The following SH3D19 variants were observed in gnomAD, a reference collection of about 807,000 sequenced individuals.
SH3D19 encodes SH3 domain-containing protein 19.
Under a neutral mutation model 112.1 loss-of-function variants are expected in SH3D19, and 58 were observed. The ratio of observed to expected loss-of-function variants is 0.52; its 90% CI spans 0.42 to 0.64. The LOEUF (loss-of-function observed/expected upper bound fraction) is 0.64. Among genes scored for constraint, SH3D19 ranks in the 30% least tolerant of loss-of-function variants. The pLI is 0.00. For synonymous variants in SH3D19, 391 were observed against 448.5 expected (o/e 0.87, Z 1.62); for missense variants, 1,090 against 1,263.4 (o/e 0.86, Z 2.08).
intron 2 of SH3D19, among the ~76,000 whole-genome samples, chr4:151,201,280 T>G (rs76896942): frequency 6.6e-4 from 100 of 152,302 alleles, no homozygotes; most frequent in African/African-American, 2.4e-3. Flanking sequence ...AATCCTGATG[T>G]GAATAACAAA....
intron 1 of SH3D19, among the ~76,000 whole-genome samples, chr4:151,232,708 A>ACCACTCTTAATATCTTTAATG (rs1245763714): frequency 2.6e-5 from 4 of 152,022 alleles, no homozygotes; most frequent in African/African-American, 7.3e-5. Context: ...TTCTGTGACT[A>ACCACTCTTAATATCTTTAATG]CCACTCTTAA....
intron 3 of SH3D19, among the ~76,000 whole-genome samples, chr4:151,181,092 A>C (rs1289212870): frequency 6.6e-6 from 1 of 152,114 alleles, no homozygotes; most frequent in Non-Finnish European, 1.5e-5. Flanking sequence ...TTTTCATGGA[A>C]CATATTCTAA....
intron 2 of SH3D19, among the ~76,000 whole-genome samples, chr4:151,216,180 T>A (rs1767069601): frequency 6.6e-6 from 1 of 152,214 alleles, no homozygotes; most frequent in Non-Finnish European, 1.5e-5. Flanking sequence ...GCAGTTTACT[T>A]TTAATGAGAC....
intron 14 of SH3D19, among the ~76,000 whole-genome samples, chr4:151,136,292 C>T (rs1244970940): frequency 2.6e-5 from 4 of 151,938 alleles, no homozygotes; most frequent in South Asian, 2.1e-4. Flanking sequence ...GGACTACACA[C>T]GCGTAACACC....
At chr4:151,252,576 A>G (rs975855594) in intron 1 of SH3D19, among the ~76,000 whole-genome samples, 4 of 152,158 alleles carry the variant, frequency 2.6e-5, no homozygotes, top group African/African-American at 9.7e-5. Flanking sequence ...TACTCACTCC[A>G]TAGGGGACCT....
intron 1 of SH3D19, chr4:151,282,542 T>C (rs1774353104): frequency 3.4e-6 from 3 of 885,196 alleles, no homozygotes; most frequent in African/African-American, 1.7e-5. Flanking sequence ...AATGATATTA[T>C]CTATAAGTTT....
chr4:151,167,828 A>T (rs1670704699), intron 7 of SH3D19, among the ~76,000 whole-genome samples: 1 of 151,980 alleles, frequency 6.6e-6, no homozygotes, highest in African/African-American at 2.4e-5. Flanking sequence ...GGAAGTAAGG[A>T]GCGCCTCTGC....
At position 151,175,458 on chromosome 4, in the gene SH3D19, T is replaced by A; in HGVS notation, c.746A>T (p.Gln249Leu). ...TCCTACGGCTGCTGGGCTGATTTTC[T>A]GTTGACTTTGCTCTTTAATGTGAGA... is the stretch of plus-strand genomic sequence containing the variant. ...RDSHIKEQSQ[Q>L]KISPAAVGEE... Residue 249 changes from glutamine to leucine, a missense_variant, in exon 7 of 20, where the codon CAG becomes CTG. Physicochemically the swap from Gln to Leu is moderately radical, Grantham distance 113. Transcript: ENST00000604030. The A allele has an allele frequency of 6.6e-7, 1 of 1,507,946 alleles. No individual in the cohort carries two copies. The highest frequency in any genetic ancestry group is 1.4e-5 in the South Asian group (1 of 72,476). The allele number at this position is 1,507,946 out of a possible 1,614,324, so 93.4% of individuals were successfully genotyped here. A position where few individuals can be genotyped will look rare whatever the true frequency, so the allele number is the denominator to read the frequency against.
Position 151,121,232 on chromosome 4 carries a change from A to G in SH3D19, c.*859T>C, listed in dbSNP as rs552163403. 5 of 152,776 alleles carry G rather than the reference A, an allele frequency of 3.3e-5. No homozygotes were observed. In the South Asian group the frequency reaches 8.3e-4, roughly 25 times the overall value. 9.5% of individuals were successfully genotyped at this position (152,776 alleles called of 1,614,324 possible). A position where few individuals can be genotyped will look rare whatever the true frequency, so the allele number is the denominator to read the frequency against. On this transcript the variant is annotated 3_prime_UTR_variant, in exon 20 of 20. Coordinates refer to ENST00000604030, the MANE Select transcript of SH3D19 (RefSeq NM_001378122.1). ...TACTATAACAAGACACAGTTTTTAT[A>G]TATTACTGGAATAATGCAAAGAAAA...
At chr4:151,125,857 A>G (rs1396197725) in intron 19 of SH3D19, among the ~76,000 whole-genome samples, 1 of 151,654 alleles carries the variant, frequency 6.6e-6, no homozygotes, top group Non-Finnish European at 1.5e-5. Flanking sequence ...AAAAAAAAAA[A>G]AAAAAAAAAG....
intron 2 of SH3D19, among the ~76,000 whole-genome samples, chr4:151,196,622 A>G (rs962399795): frequency 6.6e-6 from 1 of 152,126 alleles, no homozygotes; most frequent in Non-Finnish European, 1.5e-5. Flanking sequence ...TTCTCATCAG[A>G]ACATATAATC....
At chr4:151,310,545 A>G (rs1434229243) in intron 1 of SH3D19, among the ~76,000 whole-genome samples, 1 of 151,868 alleles carries the variant, frequency 6.6e-6, no homozygotes, top group African/African-American at 2.4e-5. Context: ...ACTTCTGGGT[A>G]TATATCCAAA....
chr4:151,290,286 G>T (rs1019657316), intron 1 of SH3D19, among the ~76,000 whole-genome samples: 1 of 152,148 alleles, frequency 6.6e-6, no homozygotes, highest in African/African-American at 2.4e-5. Context: ...AATAATGGAA[G>T]CAATCACAAT....
chr4:151,144,294 A>G, intron 11 of SH3D19: 1 of 1,613,366 alleles, frequency 6.2e-7, no homozygotes, highest in Non-Finnish European at 8.5e-7. Context: ...GACAGCTTAA[A>G]CGTAAACCAA....
intron 9 of SH3D19, 142 bp downstream of exon 9, chr4:151,159,098 A>G (rs1202337901): frequency 2.1e-6 from 1 of 472,500 alleles, no homozygotes; most frequent in Non-Finnish European, 3.7e-6. Context: ...ATATAAGTAC[A>G]TGGGGCTTAG....
chr4:151,282,843 T>C (rs2150009716), intron 1 of SH3D19, among the ~76,000 whole-genome samples: 1 of 152,248 alleles, frequency 6.6e-6, no homozygotes, highest in South Asian at 2.1e-4. Context: ...TTTAGAATAG[T>C]CATACCTTTA....
intron 9 of SH3D19, among the ~76,000 whole-genome samples, chr4:151,154,613 G>C (rs1755735292): frequency 6.6e-6 from 1 of 151,654 alleles, no homozygotes; most frequent in Non-Finnish European, 1.5e-5. Flanking sequence ...GGCTTGCTCT[G>C]TTGCCCAAGC....
At chr4:151,163,620 G>A (rs1757511813) in intron 8 of SH3D19, among the ~76,000 whole-genome samples, 1 of 143,036 alleles carries the variant, frequency 7.0e-6, no homozygotes, top group Non-Finnish European at 1.5e-5. Flanking sequence ...TCATTCTATT[G>A]CCCAGGTTGG....
chr4:151,258,891 G>T (rs1772151282), intron 1 of SH3D19, among the ~76,000 whole-genome samples: 1 of 152,112 alleles, frequency 6.6e-6, no homozygotes, highest in South Asian at 2.1e-4. Flanking sequence ...CACGGGCACT[G>T]CTGGCTATGC....
Sources: allele counts gnomAD v4.1 joint callset (sites outside exome capture counted in the v4.1 genomes callset), GRCh38; gene constraint gnomAD v4.1.1; transcripts MANE v1.5; gene names NCBI Gene and HGNC (gene_info 2026-07-23, HGNC 2026-07-21).